Variants in TRPM8 observed in about 807,000 individuals in gnomAD.
TRPM8 encodes the protein TRPM8 cationic channel.
Under a neutral mutation model 133.7 loss-of-function variants are expected in TRPM8, and 110 were observed. The ratio of observed to expected loss-of-function variants is 0.82; its 90% CI spans 0.70 to 0.96. The LOEUF (loss-of-function observed/expected upper bound fraction) is 0.96. Among genes scored for constraint, TRPM8 ranks in the 40% least tolerant of loss-of-function variants. The pLI is 0.00. For missense variants in TRPM8, 1,291 were observed against 1,379.5 expected (o/e 0.94, Z 1.02); for synonymous variants, 535 against 532.3 (o/e 1.01, Z -0.07).
intron 11 of TRPM8, among the ~76,000 whole-genome samples, chr2:233,956,359 C>T (rs1002182404): frequency 2.6e-5 from 4 of 152,172 alleles, no homozygotes; most frequent in African/African-American, 7.2e-5. Flanking sequence ...TGCATTTTCT[C>T]ACTTTTCAAT....
At chr2:233,973,315 G>A (rs1691779488) in intron 17 of TRPM8, among the ~76,000 whole-genome samples, 1 of 152,220 alleles carries the variant, frequency 6.6e-6, no homozygotes, top group South Asian at 2.1e-4. Flanking sequence ...CCAGAAGTCT[G>A]AGATCAAGCT....
At chr2:233,996,556 C>A in intron 22 of TRPM8, 40 bp downstream of exon 22, 1 of 1,583,730 alleles carries the variant, frequency 6.3e-7, no homozygotes, top group Non-Finnish European at 8.7e-7. Context: ...TCAGAAGCAG[C>A]GATTAATTTC....
chr2:233,923,040 T>TTTG (rs1445148283), intron 1 of TRPM8, among the ~76,000 whole-genome samples: 2 of 151,846 alleles, frequency 1.3e-5, no homozygotes, highest in African/African-American at 2.4e-5. Context: ...GCTAATTTTT[T>TTTG]TTGTTGTTGT....
rs142264059 is a variant in TRPM8, at chr2:233,942,638, A to G, written c.589A>G (p.Arg197Gly). The change falls in exon 6 of 26, where the codon AGA becomes GGA. Residue 197 changes from arginine to glycine, a missense_variant. By Grantham distance (125) the Arg-to-Gly change is moderately radical. Coordinates refer to ENST00000324695, the MANE Select transcript of TRPM8 (RefSeq NM_024080.5). Reference sequence around the variant, plus strand: ...GATGAAGTACATCGGGGAGGTGGTGAGAGATAACACCATCAGCAGGAGTTC... The same window carrying G: ...GATGAAGTACATCGGGGAGGTGGTGGGAGATAACACCATCAGCAGGAGTTC... ...GLMKYIGEVV[R>G]DNTISRSSEE... is the part of the protein sequence containing the mutation. 4.8e-5 allele frequency: 77 copies of G among 1,614,052 alleles called. 1 individual carries two copies. Among genetic ancestry groups the G allele is most frequent in the Non-Finnish European group, 6.1e-5 (72 of 1,180,028 alleles).
chr2:233,981,835 A>G lies in TRPM8; in HGVS notation c.2509A>G (p.Ile837Val). ...SGRVIFCLDYIIFTLRLIHIF... is the reference protein window; with the variant it reads ...SGRVIFCLDYVIFTLRLIHIF... Reference sequence around the variant, plus strand: ...ACGAGTCATTTTCTGTCTGGACTACATTATTTTCACTCTAAGATTGATCCA... The same window carrying G: ...ACGAGTCATTTTCTGTCTGGACTACGTTATTTTCACTCTAAGATTGATCCA... The change falls in exon 19 of 26, where the codon ATT (isoleucine) becomes GTT (valine). Residue 837 changes from isoleucine to valine, a missense_variant. This residue lies in a region of TRPM8 where 328 missense variants were observed against 410.6 expected (regional missense o/e 0.80). Coordinates refer to ENST00000324695, the MANE Select transcript of TRPM8 (RefSeq NM_024080.5). The G allele has an allele frequency of 6.2e-7, 1 of 1,613,898 alleles. No homozygotes were observed. Among genetic ancestry groups the G allele is most frequent in the South Asian group, 1.1e-5 (1 of 91,018 alleles).
rs1559516764 is a variant in TRPM8 at position 233,927,946 on chromosome 2, CTCTCTCTCTCTCTCTT to C, written c.117+1296_117+1311del. 9.2e-4 allele frequency among the ~76,000 whole-genome samples: 72 copies of C among 77,880 alleles called. 8 individuals are homozygous for C. Among genetic ancestry groups the C allele is most frequent in the African/African-American group, 4.1e-3 (49 of 11,816 alleles). The allele number at this position is 77,880 out of a possible 152,430, so 51.1% of individuals were successfully genotyped here. ...TCTTTCTCTCTCTCTCTCTCTCTCT[CTCTCTCTCTCTCTCTT>C]TCTTTCTTTCTTTCTTTTTTTTTTT... On this transcript the variant is annotated intron_variant, in intron 2 of 25. Coordinates refer to ENST00000324695, the MANE Select transcript of TRPM8 (RefSeq NM_024080.5).
At chr2:233,941,335 T>C (rs532844758) in intron 5 of TRPM8, among the ~76,000 whole-genome samples, 1 of 152,276 alleles carries the variant, frequency 6.6e-6, no homozygotes, top group South Asian at 2.1e-4. Flanking sequence ...TCAAAATCTG[T>C]CTAGAGGAAG....
chr2:233,961,183 C>T, intron 12 of TRPM8, 117 bp downstream of exon 12: 1 of 1,040,616 alleles, frequency 9.6e-7, no homozygotes, highest in Non-Finnish European at 1.4e-6. Flanking sequence ...AACACACTGA[C>T]AATGTTAATT....
intron 1 of TRPM8, among the ~76,000 whole-genome samples, chr2:233,924,000 C>G (rs1691461764): frequency 6.6e-6 from 1 of 151,624 alleles, no homozygotes; most frequent in African/African-American, 2.4e-5. Context: ...ATTTTCTTTA[C>G]CAGATCAAAA....
rs183714879 is a variant in TRPM8 at position 233,979,612 on chromosome 2, A to G, written c.2356-576A>G. Reference sequence around the variant, plus strand: ...ACATACTTTCTTCCAAAGAATCATGACCAATACATACACGTCGGTCCCTGA... The same window carrying G: ...ACATACTTTCTTCCAAAGAATCATGGCCAATACATACACGTCGGTCCCTGA... On this transcript the variant is annotated intron_variant, in intron 17 of 25. Coordinates refer to ENST00000324695, the MANE Select transcript of TRPM8 (RefSeq NM_024080.5). 1.1e-3 allele frequency among the ~76,000 whole-genome samples: 165 copies of G among 152,338 alleles called. 2 individuals carry two copies. Among genetic ancestry groups the G allele is most frequent in the African/African-American group, 3.6e-3 (149 of 41,580 alleles).
At chr2:233,955,374 A>C in intron 11 of TRPM8, 124 bp downstream of exon 11, 1 of 691,802 alleles carries the variant, frequency 1.4e-6, no homozygotes, top group Non-Finnish European at 2.5e-6. Context: ...CTGTTCCAGA[A>C]TATCAGGATT....
At chr2:233,927,860 C>CTCTCTCTT (rs1553653796) in intron 2 of TRPM8, among the ~76,000 whole-genome samples, 2 of 24,092 alleles carry the variant, frequency 8.3e-5, no homozygotes, top group Non-Finnish European at 1.3e-4. Flanking sequence ...TCCTTTCTTT[C>CTCTCTCTT]TCTTTCTTTC....
At chr2:233,948,861 T>G (rs2125124630) in intron 8 of TRPM8, among the ~76,000 whole-genome samples, 1 of 152,212 alleles carries the variant, frequency 6.6e-6, no homozygotes. Context: ...GGCAAAACCC[T>G]GTCTCTACTA....
chr2:233,957,607 T>C (rs1268954081), intron 11 of TRPM8, among the ~76,000 whole-genome samples: 2 of 152,190 alleles, frequency 1.3e-5, no homozygotes, highest in Admixed American at 6.5e-5. Flanking sequence ...ACAAAGGTAA[T>C]CAATAATCAA....
chr2:233,980,104 G>T, intron 17 of TRPM8, 84 bp from the exon 18 acceptor site: 1 of 939,546 alleles, frequency 1.1e-6, no homozygotes. Context: ...GGACCTGGAA[G>T]AAAATGAGTG....
chr2:233,983,286 C>T, intron 20 of TRPM8, 62 bp downstream of exon 20: 1 of 1,597,164 alleles, frequency 6.3e-7, no homozygotes, highest in Non-Finnish European at 8.6e-7. Flanking sequence ...CTGAACCAAC[C>T]CCCAGGGCTG....
At chr2:234,009,597 C>T (rs1336134193) in intron 24 of TRPM8, among the ~76,000 whole-genome samples, 4 of 152,188 alleles carry the variant, frequency 2.6e-5, no homozygotes, top group Admixed American at 2.0e-4. Context: ...CACTGCACAG[C>T]GCAGAGCCTC....
At chr2:233,944,091 A>G (rs1424140017) in intron 6 of TRPM8, among the ~76,000 whole-genome samples, 1 of 152,132 alleles carries the variant, frequency 6.6e-6, no homozygotes, top group Non-Finnish European at 1.5e-5. Flanking sequence ...GTCTGGAGCC[A>G]GTTCCCTTCT....
At chr2:234,003,969 G>A (rs1157968389) in intron 22 of TRPM8, among the ~76,000 whole-genome samples, 2 of 152,132 alleles carry the variant, frequency 1.3e-5, no homozygotes, top group African/African-American at 4.8e-5. Context: ...AAGGCAGGAC[G>A]AAATTCATTA....
Sources: gnomAD v4.1 joint callset for allele counts (sites outside exome capture counted in the v4.1 genomes callset) on GRCh38, gnomAD v4.1.1 for gene constraint, gnomAD v4.1.1 regional missense constraint, MANE v1.5 for transcripts, NCBI Gene and HGNC (gene_info 2026-07-23, HGNC 2026-07-21) for gene names.